PCDHA7: variants seen among roughly 807,000 people sequenced by gnomAD.
PCDHA7 encodes the protein protocadherin alpha 7, also known as protocadherin alpha-7.
PCDHA7 carries 37 observed loss-of-function variants against 57.2 expected under a neutral mutation model. That is an observed-to-expected ratio of 0.65 (90% CI 0.50 to 0.85). The LOEUF is 0.85. Among genes scored for constraint, PCDHA7 ranks in the 40% least tolerant of loss-of-function variants. The pLI is 0.00. For synonymous variants in PCDHA7, 553 were observed against 558.8 expected (o/e 0.99, Z 0.15); for missense variants, 1,188 against 1,241.8 (o/e 0.96, Z 0.65).
intron 1 of PCDHA7, chr5:140,870,020 C>CT (rs2051592109): frequency 6.2e-7 from 1 of 1,613,394 alleles, no homozygotes; most frequent in Admixed American, 1.7e-5. Context: ...GTCAATGGAA[C>CT]TTTAGATTAT....
intron 1 of PCDHA7, among the ~76,000 whole-genome samples, chr5:140,900,791 T>A (rs2068293056): frequency 6.6e-6 from 1 of 152,200 alleles, no homozygotes; most frequent in African/African-American, 2.4e-5. Flanking sequence ...TCCAAACTGT[T>A]CTCCATAGTG....
At chr5:140,911,339 A>G (rs2075428336) in intron 1 of PCDHA7, among the ~76,000 whole-genome samples, 1 of 152,042 alleles carries the variant, frequency 6.6e-6, no homozygotes, top group Non-Finnish European at 1.5e-5. Flanking sequence ...TTTCCAATCA[A>G]TGCCCTCATT....
rs116072877 is a variant in PCDHA7 at position 140,927,686 on chromosome 5, A to G, written c.2356-51263A>G. On this transcript the variant is annotated intron_variant, in intron 1 of 3. Transcript: ENST00000525929. ...GCCTTGGATCCAGATGAAGGGTCCA[A>G]TGGGGAAGTCCAGTACTCCCTAAGC... 796 of 1,614,196 alleles carry G rather than the reference A, an allele frequency of 4.9e-4. 3 individuals carry two copies. The African/African-American group carries it at 7.7e-3, about 16-fold the overall frequency.
intron 1 of PCDHA7, chr5:140,926,717 C>G (rs975992181): frequency 3.1e-6 from 3 of 967,258 alleles, no homozygotes; most frequent in East Asian, 6.0e-5. Context: ...CCAGCCCCGG[C>G]AATGCCGGCG....
chr5:140,989,373 C>G (rs1189877807), intron 3 of PCDHA7, among the ~76,000 whole-genome samples: 1 of 152,088 alleles, frequency 6.6e-6, no homozygotes, highest in Non-Finnish European at 1.5e-5. Flanking sequence ...TGACTGAGAG[C>G]TTTGTGGGAA....
intron 1 of PCDHA7, chr5:140,851,028 C>G: frequency 7.1e-7 from 1 of 1,410,134 alleles, no homozygotes. Flanking sequence ...AAAGTAAACC[C>G]CTTAACATTG....
At chr5:140,997,091 G>A (rs73268064) in intron 3 of PCDHA7, among the ~76,000 whole-genome samples, 546 of 152,154 alleles carry the variant, frequency 3.6e-3, no homozygotes, top group Middle Eastern at 0.014. Flanking sequence ...AGAAAGTGCA[G>A]AGTTCTCATG....
chr5:140,966,538 C>T, intron 1 of PCDHA7: 2 of 463,262 alleles, frequency 4.3e-6, no homozygotes, highest in South Asian at 1.1e-4. Flanking sequence ...GGTTGAGCGA[C>T]TCGGAGGCGA....
At chr5:140,906,278 C>A (rs546102354) in intron 1 of PCDHA7, among the ~76,000 whole-genome samples, 1 of 152,152 alleles carries the variant, frequency 6.6e-6, no homozygotes, top group Admixed American at 6.6e-5. Flanking sequence ...AGATAATCTT[C>A]AAATTAAGAC....
At chr5:140,845,285 A>G (rs1237210455) in intron 1 of PCDHA7, among the ~76,000 whole-genome samples, 1 of 149,314 alleles carries the variant, frequency 6.7e-6, no homozygotes, top group East Asian at 1.9e-4. Context: ...AATATTTCCT[A>G]TCCTGTCTAT....
At position 140,884,619 on chromosome 5, in the gene PCDHA7, A is replaced by C; in HGVS notation, c.2355+47881A>C. ...CTTCCTCCTTGTCTGGGTTCTGCAGAGGGAACAGGCCAGAGGGAGGAGGAC... is the reference window on the plus strand; with the variant it reads ...CTTCCTCCTTGTCTGGGTTCTGCAGCGGGAACAGGCCAGAGGGAGGAGGAC... On this transcript the variant is annotated intron_variant, in intron 1 of 3. Coordinates refer to ENST00000525929, the MANE Select transcript of PCDHA7 (RefSeq NM_018910.3). 3.7e-6 allele frequency: 6 copies of C among 1,614,074 alleles called. No homozygotes were observed. The highest frequency in any genetic ancestry group is 5.1e-6 in the Non-Finnish European group (6 of 1,179,956).
chr5:140,865,091 A>G (rs1010954942), intron 1 of PCDHA7: 3 of 152,218 alleles, frequency 2.0e-5, no homozygotes, highest in Non-Finnish European at 4.4e-5. Context: ...GATATTAATA[A>G]AGGCACTTCC....
At chr5:140,892,439 T>G (rs2063514217) in intron 1 of PCDHA7, among the ~76,000 whole-genome samples, 1 of 152,206 alleles carries the variant, frequency 6.6e-6, no homozygotes, top group Non-Finnish European at 1.5e-5. Context: ...TTATCTAAAA[T>G]TTACATGTAT....
At chr5:140,846,369 C>CTTTTTTTTTTTTTTTTTT (rs797033964) in intron 1 of PCDHA7, among the ~76,000 whole-genome samples, 2 of 102,192 alleles carry the variant, frequency 2.0e-5, no homozygotes, top group South Asian at 3.3e-4. Flanking sequence ...TCTTTTCTTT[C>CTTTTTTTTTTTTTTTTTT]TTTCTTTTTT....
At chr5:140,953,514 AC>A (rs1209488542) in intron 1 of PCDHA7, among the ~76,000 whole-genome samples, 2 of 152,136 alleles carry the variant, frequency 1.3e-5, no homozygotes, top group Non-Finnish European at 2.9e-5. Flanking sequence ...GGCCAAAGCA[AC>A]AAAAACGGGA....
intron 1 of PCDHA7, among the ~76,000 whole-genome samples, chr5:140,917,270 T>C (rs782142831): frequency 2.6e-5 from 4 of 151,228 alleles, no homozygotes; most frequent in Admixed American, 6.6e-5. Context: ...GTTTGGTTTT[T>C]GTAATGACGC....
chr5:140,969,366 A>C (rs1554231734), intron 1 of PCDHA7: 1 of 1,609,828 alleles, frequency 6.2e-7, no homozygotes. Context: ...CTACAAACTC[A>C]TGCATTTGTT....
At position 140,850,172 on chromosome 5, in the gene PCDHA7, C is replaced by G. The variant is rs756590916; in HGVS notation, c.2355+13434C>G. 10 of 1,594,266 alleles carry G rather than the reference C, an allele frequency of 6.3e-6. 1 individual carries two copies. The highest frequency in any genetic ancestry group is 1.3e-5 in the African/African-American group (1 of 74,338). On this transcript the variant is annotated intron_variant, in intron 1 of 3. Coordinates refer to ENST00000525929, the MANE Select transcript of PCDHA7 (RefSeq NM_018910.3). ...TGCAGGTGTTCGTGCTGGACGAGAA[C>G]GACAATGCGCCGGCGCTGCTGACAC... is the stretch of plus-strand genomic sequence containing the variant.
chr5:140,928,902 C>T, intron 1 of PCDHA7: 1 of 1,614,164 alleles, frequency 6.2e-7, no homozygotes, highest in Non-Finnish European at 8.5e-7. Flanking sequence ...TTGAAGATGT[C>T]TGGGAACCAG....
Sources: allele counts gnomAD v4.1 joint callset (sites outside exome capture counted in the v4.1 genomes callset), GRCh38; gene constraint gnomAD v4.1.1; transcripts MANE v1.5; gene names NCBI Gene and HGNC (gene_info 2026-07-23, HGNC 2026-07-21).